The following GRM8 variants were observed in gnomAD, a reference collection of about 807,000 sequenced individuals.
GRM8 encodes glutamate metabotropic receptor 8.
In GRM8, 47 loss-of-function variants were observed where a neutral mutation model predicts 87.2. The ratio of observed to expected loss-of-function variants is 0.54; its 90% confidence interval spans 0.43 to 0.69. The LOEUF (loss-of-function observed/expected upper bound fraction) is 0.69. Ranked by LOEUF, GRM8 falls within the 30% of genes least tolerant of loss-of-function variation. The pLI is 0.00. For synonymous variants in GRM8, 396 were observed against 404.5 expected (o/e 0.98, Z 0.25); for missense variants, 1,019 against 1,139.2 (o/e 0.89, Z 1.52).
At chr7:126,682,832 C>T (rs1283785448) in intron 7 of GRM8, among the ~76,000 whole-genome samples, 3 of 152,234 alleles carry the variant, frequency 2.0e-5, no homozygotes, top group East Asian at 1.9e-4. Context: ...AGGCGGATCA[C>T]GAGGTCAGGA....
At chr7:126,751,530 T>C (rs1585781316) in intron 7 of GRM8, among the ~76,000 whole-genome samples, 1 of 152,258 alleles carries the variant, frequency 6.6e-6, no homozygotes, top group East Asian at 1.9e-4. Flanking sequence ...TGTAAGCAAC[T>C]TGCATTATTT....
At chr7:126,458,135 C>A (rs1412609284) in intron 9 of GRM8, among the ~76,000 whole-genome samples, 2 of 150,008 alleles carry the variant, frequency 1.3e-5, no homozygotes, top group African/African-American at 4.9e-5. Flanking sequence ...AAAACTTGAT[C>A]AGTTAAAATA....
At chr7:127,082,874 T>C (rs371875509) in intron 3 of GRM8, among the ~76,000 whole-genome samples, 2 of 152,306 alleles carry the variant, frequency 1.3e-5, no homozygotes, top group Admixed American at 6.5e-5. Flanking sequence ...TTGTCTAACA[T>C]AGTCACGCAG....
intron 3 of GRM8, among the ~76,000 whole-genome samples, chr7:127,027,339 A>G (rs1816890902): frequency 6.6e-6 from 1 of 152,210 alleles, no homozygotes. Flanking sequence ...GTTCCATATG[A>G]AATTTAAAGT....
intron 8 of GRM8, among the ~76,000 whole-genome samples, chr7:126,608,759 CTTT>C (rs1189944716): frequency 2.9e-5 from 4 of 138,176 alleles, no homozygotes; most frequent in East Asian, 2.1e-4. Context: ...GTGATGTGCC[CTTT>C]TTTTTTTTTT....
chr7:126,772,763 G>A (rs1462470419), intron 6 of GRM8, among the ~76,000 whole-genome samples: 2 of 151,916 alleles, frequency 1.3e-5, no homozygotes, highest in Non-Finnish European at 2.9e-5. Flanking sequence ...CAATATTTAC[G>A]CATTTCAAAG....
At chr7:126,473,312 C>T (rs940580088) in intron 9 of GRM8, among the ~76,000 whole-genome samples, 4 of 152,208 alleles carry the variant, frequency 2.6e-5, no homozygotes, top group Non-Finnish European at 5.9e-5. Context: ...CCACCTCTTG[C>T]ATCAGCATGA....
chr7:126,667,568 A>G (rs571797647), intron 7 of GRM8, among the ~76,000 whole-genome samples: 1 of 152,330 alleles, frequency 6.6e-6, no homozygotes, highest in East Asian at 1.9e-4. Context: ...CAGAAGGAAA[A>G]GAGAATGAGA....
chr7:126,541,691 G>C (rs546489522), intron 8 of GRM8, among the ~76,000 whole-genome samples: 2 of 152,344 alleles, frequency 1.3e-5, no homozygotes, highest in East Asian at 3.9e-4. Flanking sequence ...GGAAAAATGT[G>C]AGTATTCTAT....
intron 8 of GRM8, among the ~76,000 whole-genome samples, chr7:126,564,595 T>A (rs1185858257): frequency 6.6e-6 from 1 of 152,106 alleles, no homozygotes; most frequent in African/African-American, 2.4e-5. Flanking sequence ...TAATAAAAAA[T>A]GTCCCTACAA....
At chr7:126,743,367 C>G (rs1815235675) in intron 7 of GRM8, among the ~76,000 whole-genome samples, 2 of 152,096 alleles carry the variant, frequency 1.3e-5, no homozygotes, top group African/African-American at 2.4e-5. Flanking sequence ...CTCAGGAACA[C>G]AGATTGATTT....
chr7:126,545,837 T>C (rs1158357144), intron 8 of GRM8, among the ~76,000 whole-genome samples: 1 of 152,208 alleles, frequency 6.6e-6, no homozygotes, highest in Non-Finnish European at 1.5e-5. Flanking sequence ...ATTATGTACA[T>C]TTCTTTTTTC....
intron 9 of GRM8, chr7:126,447,304 C>T (rs1042677246): frequency 6.6e-6 from 1 of 151,864 alleles, no homozygotes; most frequent in Admixed American, 6.6e-5. Flanking sequence ...AACCTTTGAT[C>T]TGGTTCCACT....
chr7:127,163,096 G>T (rs1163422295), intron 2 of GRM8, among the ~76,000 whole-genome samples: 2 of 152,092 alleles, frequency 1.3e-5, no homozygotes, highest in African/African-American at 4.8e-5. Flanking sequence ...GTTGTAGTAG[G>T]CTGTTCTTGT....
At chr7:126,600,309 C>T (rs1452045813) in intron 8 of GRM8, among the ~76,000 whole-genome samples, 2 of 152,026 alleles carry the variant, frequency 1.3e-5, no homozygotes, top group Non-Finnish European at 2.9e-5. Flanking sequence ...TTTTTTCAAT[C>T]GAACACAGAC....
chr7:126,819,275 T>TACACACACATACACACACAC (rs1794077121), intron 6 of GRM8, among the ~76,000 whole-genome samples: 1 of 148,230 alleles, frequency 6.7e-6, no homozygotes, highest in Non-Finnish European at 1.5e-5. Flanking sequence ...CAGACACACA[T>TACACACACATACACACACAC]ACACACACAC....
At chr7:126,893,562 C>T (rs1801266506) in intron 6 of GRM8, among the ~76,000 whole-genome samples, 5 of 151,914 alleles carry the variant, frequency 3.3e-5, no homozygotes, top group Admixed American at 2.0e-4. Context: ...GACTATCTGG[C>T]CATACATTAT....
In GRM8 at chr7:126,904,564, T is replaced by C; in HGVS notation, c.847A>G (p.Asn283Asp). The change falls in exon 4 of 11, where the codon AAT becomes GAT. Residue 283 changes from asparagine to aspartate, a missense_variant. Transcript: ENST00000339582. ...PNARAVIMFA[N>D]EDDIRRILEA... is the part of the protein sequence containing the mutation. Reference sequence around the variant, plus strand: ...AATCAGCACCTGATGTCATCCTCATTGGCAAACATAATCACTGCTCGAGCA... The same window carrying C: ...AATCAGCACCTGATGTCATCCTCATCGGCAAACATAATCACTGCTCGAGCA... 6.2e-7 allele frequency: 1 copy of C among 1,613,756 alleles called. No individual in the cohort carries two copies. Among genetic ancestry groups the C allele is most frequent in the Non-Finnish European group, 8.5e-7 (1 of 1,179,694 alleles).
At chr7:126,885,706 A>G (rs1285159976) in intron 6 of GRM8, among the ~76,000 whole-genome samples, 1 of 152,176 alleles carries the variant, frequency 6.6e-6, no homozygotes, top group Non-Finnish European at 1.5e-5. Flanking sequence ...CATATAACAA[A>G]TCTGATTTAA....
Sources: allele counts gnomAD v4.1 joint callset (sites outside exome capture counted in the v4.1 genomes callset), GRCh38; gene constraint gnomAD v4.1.1; transcripts MANE v1.5; gene names NCBI Gene and HGNC (gene_info 2026-07-23, HGNC 2026-07-21).